CCDC148: variants seen among roughly 807,000 people sequenced by gnomAD.
CCDC148 encodes the protein coiled-coil domain containing 148.
A neutral mutation model predicts 85.7 loss-of-function variants in CCDC148; 89 were observed. The ratio of observed to expected loss-of-function variants is 1.04; its 90% CI spans 0.87 to 1.24. CCDC148 has a LOEUF of 1.24. Ranked by LOEUF, CCDC148 falls within the 50% of genes most tolerant of loss-of-function variation. CCDC148 has a pLI of 0.00. For missense variants in CCDC148, 692 were observed against 671.7 expected, an observed-to-expected ratio of 1.03 and a Z score of -0.33; for synonymous variants, 230 against 213.9, an observed-to-expected ratio of 1.08 and a Z score of -0.66.
chr2:158,223,789 G>C (rs1205477288), intron 10 of CCDC148, among the ~76,000 whole-genome samples: 1 of 152,118 alleles, frequency 6.6e-6, no homozygotes, highest in Non-Finnish European at 1.5e-5. Context: ...CTAACAAACA[G>C]AAAAGACATC....
chr2:158,278,640 G>T (rs1157009827), intron 9 of CCDC148, among the ~76,000 whole-genome samples: 2 of 152,362 alleles, frequency 1.3e-5, no homozygotes, highest in South Asian at 4.1e-4. Flanking sequence ...CAACTGGGTG[G>T]AGCCCACCAC....
At chr2:158,450,189 T>A (rs556472202) in intron 1 of CCDC148, among the ~76,000 whole-genome samples, 177 of 152,330 alleles carry the variant, frequency 1.2e-3, no homozygotes, top group African/African-American at 4.1e-3. Flanking sequence ...ATATATTTTT[T>A]GAATGATTCA....
intron 11 of CCDC148, among the ~76,000 whole-genome samples, chr2:158,187,863 T>G (rs1204574257): frequency 6.6e-6 from 1 of 152,014 alleles, no homozygotes; most frequent in Non-Finnish European, 1.5e-5. Flanking sequence ...CCTTTGAGCT[T>G]TTATTTGTTC....
chr2:158,427,154 C>T (rs184688895), intron 1 of CCDC148, among the ~76,000 whole-genome samples: 132 of 152,030 alleles, frequency 8.7e-4, no homozygotes, highest in African/African-American at 3.0e-3. Context: ...AAATATAAGC[C>T]TCATTTTAAA....
At chr2:158,338,373 G>C (rs1019954458) in intron 7 of CCDC148, among the ~76,000 whole-genome samples, 4 of 151,904 alleles carry the variant, frequency 2.6e-5, no homozygotes, top group African/African-American at 9.7e-5. Flanking sequence ...TAATTCCATG[G>C]GTACATTTTC....
intron 7 of CCDC148, among the ~76,000 whole-genome samples, chr2:158,321,098 A>G (rs575325332): frequency 6.6e-6 from 1 of 152,296 alleles, no homozygotes; most frequent in South Asian, 2.1e-4. Context: ...CATATCTAAG[A>G]GAATTTAAAA....
chr2:158,329,979 C>T (rs1693008226), intron 7 of CCDC148, among the ~76,000 whole-genome samples: 1 of 152,150 alleles, frequency 6.6e-6, no homozygotes, highest in Non-Finnish European at 1.5e-5. Context: ...TTCCTCTTTT[C>T]CTAATTGAAT....
intron 4 of CCDC148, 98 bp downstream of exon 4, chr2:158,340,499 AC>A (rs1682626505): frequency 7.0e-7 from 1 of 1,432,512 alleles, no homozygotes; most frequent in African/African-American, 1.4e-5. Context: ...TTAGAAAAAA[AC>A]AAATGGCAGT....
chr2:158,455,624 G>T (rs530791428), intron 1 of CCDC148, among the ~76,000 whole-genome samples: 110 of 41,422 alleles, frequency 2.7e-3, no homozygotes, highest in Admixed American at 5.0e-3. Context: ...TCCAATTTGA[G>T]GGGTAGTAAC....
intron 11 of CCDC148, among the ~76,000 whole-genome samples, chr2:158,210,674 T>C (rs981316887): frequency 8.0e-5 from 12 of 150,670 alleles, no homozygotes; most frequent in African/African-American, 2.7e-4. Flanking sequence ...CCGGGTGCGG[T>C]GGCTCACACC....
At position 158,348,326 on chromosome 2, in the gene CCDC148, G is replaced by T. The variant is rs570811313; in HGVS notation, c.148-3008C>A. On this transcript the variant is annotated intron_variant, in intron 2 of 13. Coordinates refer to ENST00000283233, the MANE Select transcript of CCDC148 (RefSeq NM_138803.4). ...GGAAATACAAGAAACAGAAAAACAT[G>T]TTGAATGACACCACCAGGATGTAAT... is the stretch of plus-strand genomic sequence containing the variant. Among the ~76,000 whole-genome samples the T allele has an allele frequency of 2.6e-5, 4 of 151,974 alleles. 1 individual carries two copies. In the South Asian group the frequency reaches 8.3e-4, roughly 32 times the overall value.
intron 1 of CCDC148, among the ~76,000 whole-genome samples, chr2:158,447,820 T>G (rs1688223604): frequency 6.6e-6 from 1 of 152,180 alleles, no homozygotes; most frequent in Non-Finnish European, 1.5e-5. Flanking sequence ...ACCTAGGAAT[T>G]TTTTCACAGG....
At chr2:158,279,557 G>A (rs569135532) in intron 9 of CCDC148, among the ~76,000 whole-genome samples, 1 of 152,092 alleles carries the variant, frequency 6.6e-6, no homozygotes, top group African/African-American at 2.4e-5. Flanking sequence ...GAAATGAAGT[G>A]AGAAGGTAAG....
intron 1 of CCDC148, chr2:158,425,129 T>C (rs1031170084): frequency 3.6e-5 from 18 of 497,588 alleles, no homozygotes; most frequent in African/African-American, 2.5e-4. Flanking sequence ...GGAATTACAA[T>C]AGTGCCTATG....
chr2:158,246,476 T>TAC (rs1274834599), intron 10 of CCDC148, among the ~76,000 whole-genome samples: 1 of 151,906 alleles, frequency 6.6e-6, no homozygotes, highest in Non-Finnish European at 1.5e-5. Context: ...ATAACACAAC[T>TAC]ACACACACAC....
intron 10 of CCDC148, among the ~76,000 whole-genome samples, chr2:158,239,935 C>T (rs1264709928): frequency 6.6e-6 from 1 of 151,746 alleles, no homozygotes; most frequent in African/African-American, 2.4e-5. Flanking sequence ...CATCAGATTC[C>T]CAAAGAAAAA....
chr2:158,352,451 C>CA (rs1553511635), intron 2 of CCDC148, among the ~76,000 whole-genome samples: 1 of 152,032 alleles, frequency 6.6e-6, no homozygotes, highest in Non-Finnish European at 1.5e-5. Context: ...GGAGCCAATG[C>CA]GATCAGCTGG....
chr2:158,230,420 G>A (rs577637069), intron 10 of CCDC148, among the ~76,000 whole-genome samples: 1 of 152,168 alleles, frequency 6.6e-6, no homozygotes, highest in Non-Finnish European at 1.5e-5. Context: ...AAACACCCAC[G>A]GGAAGAGATG....
intron 1 of CCDC148, chr2:158,424,843 T>G (rs1250250874): frequency 1.0e-5 from 2 of 191,888 alleles, no homozygotes; most frequent in African/African-American, 4.7e-5. Context: ...GAAATTCCCA[T>G]GGATACAAAA....
Sources: gnomAD v4.1 joint callset for allele counts (sites outside exome capture counted in the v4.1 genomes callset) on GRCh38, gnomAD v4.1.1 for gene constraint, MANE v1.5 for transcripts, NCBI Gene and HGNC (gene_info 2026-07-23, HGNC 2026-07-21) for gene names.